Variants in KANK1 observed in about 807,000 individuals in gnomAD.
The protein encoded by KANK1 is KN motif and ankyrin repeat domains 1, also known as KN motif and ankyrin repeat domain-containing protein 1.
In KANK1, 109 loss-of-function variants were observed where a neutral mutation model predicts 106.2. The observed-to-expected ratio is 1.03, with a 90% CI of 0.88 to 1.20. The LOEUF is 1.20. Ranked by LOEUF, KANK1 falls within the 50% of genes most tolerant of loss-of-function variation. The pLI is 0.00. For missense variants in KANK1, 2,399 were observed against 1,710.7 expected, an observed-to-expected ratio of 1.40 and a Z score of -7.10; for synonymous variants, 873 against 652.2, an observed-to-expected ratio of 1.34 and a Z score of -5.16.
chr9:619,263 T>C (rs990929019), intron 1 of KANK1, among the ~76,000 whole-genome samples: 1 of 152,208 alleles, frequency 6.6e-6, no homozygotes, highest in Non-Finnish European at 1.5e-5. Context: ...ATAAATGTTA[T>C]ATTTCAAGCC....
rs370445204 is a variant in KANK1 at position 738,472 on chromosome 9, A to G, written c.3521A>G (p.Asn1174Ser). Residue 1174 changes from asparagine (N) to serine (S), a missense_variant, in exon 8 of 12, where the codon AAC becomes AGC. Transcript: ENST00000382297. ...CTCCATTACAGCGTGTCCCACTCCA[A>G]CTTCGAGATTGTGAAGCTGCTGTTA... ...TALHYSVSHS[N>S]FEIVKLLLDA... The G allele has an allele frequency of 3.1e-6, 5 of 1,614,162 alleles. No individual in the cohort carries two copies. The South Asian group carries it at 3.3e-5, about 11-fold the overall frequency.
chr9:741,616 T>C (rs1000465888), intron 9 of KANK1, among the ~76,000 whole-genome samples: 1 of 151,284 alleles, frequency 6.6e-6, no homozygotes, highest in African/African-American at 2.4e-5. Flanking sequence ...GCCTCCCAAG[T>C]AGCTGGGACT....
At chr9:721,641 C>T (rs1287331674) in intron 3 of KANK1, among the ~76,000 whole-genome samples, 1 of 152,192 alleles carries the variant, frequency 6.6e-6, no homozygotes, top group Non-Finnish European at 1.5e-5. Context: ...ATAAGGTCAT[C>T]TGCTGATAAC....
intron 1 of KANK1, among the ~76,000 whole-genome samples, chr9:555,883 AAAAC>A (rs1587772828): frequency 6.6e-6 from 1 of 152,244 alleles, no homozygotes; most frequent in African/African-American, 2.4e-5. Flanking sequence ...TGTTTAAATA[AAAAC>A]AAACAACTTT....
chr9:650,084 T>G (rs1840551366), intron 1 of KANK1, among the ~76,000 whole-genome samples: 2 of 152,192 alleles, frequency 1.3e-5, no homozygotes. Flanking sequence ...AGCATTAATA[T>G]GAAATTTGTA....
intron 1 of KANK1, among the ~76,000 whole-genome samples, chr9:649,784 A>T (rs945110959): frequency 6.6e-6 from 1 of 152,150 alleles, no homozygotes; most frequent in African/African-American, 2.4e-5. Context: ...CACCCATGGC[A>T]GCCAACCAGG....
intron 1 of KANK1, among the ~76,000 whole-genome samples, chr9:547,854 G>A (rs2061028026): frequency 6.6e-6 from 1 of 152,218 alleles, no homozygotes; most frequent in Non-Finnish European, 1.5e-5. Flanking sequence ...AAAGTGGTAA[G>A]TTTTAGGCTG....
At chr9:491,802 A>G (rs985534567) in intron 3 of KANK1, among the ~76,000 whole-genome samples, 2 of 152,180 alleles carry the variant, frequency 1.3e-5, no homozygotes, top group Admixed American at 6.5e-5. Flanking sequence ...GAGGTAATCA[A>G]ATCACGGGAG....
At chr9:583,580 T>G (rs544221028) in intron 1 of KANK1, among the ~76,000 whole-genome samples, 1 of 151,998 alleles carries the variant, frequency 6.6e-6, no homozygotes, top group Admixed American at 6.6e-5. Context: ...AAAGATCCTT[T>G]ATGGCTCTAA....
At chr9:568,037 C>A (rs371756946) in intron 1 of KANK1, among the ~76,000 whole-genome samples, 1 of 151,230 alleles carries the variant, frequency 6.6e-6, no homozygotes, top group Non-Finnish European at 1.5e-5. Context: ...CTATGATTAT[C>A]TTCATTTTAC....
intron 1 of KANK1, among the ~76,000 whole-genome samples, chr9:632,107 A>G (rs1229339583): frequency 6.6e-6 from 1 of 152,218 alleles, no homozygotes; most frequent in Non-Finnish European, 1.5e-5. Flanking sequence ...AAAGGAAATA[A>G]CATTTGACCT....
At chr9:720,549 T>C (rs180822590) in intron 3 of KANK1, among the ~76,000 whole-genome samples, 1 of 152,052 alleles carries the variant, frequency 6.6e-6, no homozygotes, top group African/African-American at 2.4e-5. Context: ...GAGAGGGGGG[T>C]CTCACTATGT....
At chr9:600,813 C>G (rs1827555032) in intron 1 of KANK1, among the ~76,000 whole-genome samples, 1 of 151,824 alleles carries the variant, frequency 6.6e-6, no homozygotes, top group Non-Finnish European at 1.5e-5. Flanking sequence ...TTCTTTTGCA[C>G]TTTCCAAGAA....
chr9:742,076 G>C (rs189028356), intron 9 of KANK1, 129 bp from the exon 10 acceptor site: 1 of 775,814 alleles, frequency 1.3e-6, no homozygotes, highest in Admixed American at 2.3e-5. Flanking sequence ...CCTGCCCCAA[G>C]TAGTTCCATC....
chr9:541,843 A>G (rs1031114365), intron 1 of KANK1, among the ~76,000 whole-genome samples: 2 of 152,142 alleles, frequency 1.3e-5, no homozygotes, highest in Admixed American at 6.5e-5. Context: ...TAATCCCAGC[A>G]CTTTGGGAGG....
rs747879222 is a variant in KANK1, at chr9:711,852, G to C, written c.1086G>C (p.Gln362His). Residue 362 changes from glutamine (Q) to histidine (H), a missense_variant, in exon 3 of 12, where the codon CAG (glutamine) becomes CAC (histidine). Physicochemically the swap from Gln to His is conservative, Grantham distance 24. Transcript: ENST00000382297. ...TGGAGACCGTAGAACAGAGCACGCA[G>C]AGGATAAAGGAGTTCCGGCAACTTA... ...EEMETVEQST[Q>H]RIKEFRQLTA... The C allele has an allele frequency of 1.9e-6, 3 of 1,614,196 alleles. No homozygotes were observed. Among genetic ancestry groups the C allele is most frequent in the Admixed American group, 1.7e-5 (1 of 60,026 alleles).
chr9:564,094 C>G (rs1162903148), intron 1 of KANK1, among the ~76,000 whole-genome samples: 1 of 148,994 alleles, frequency 6.7e-6, no homozygotes, highest in East Asian at 2.0e-4. Flanking sequence ...GAGTCTTGCT[C>G]TGTCGCCCAG....
chr9:546,136 C>T (rs955494904), intron 1 of KANK1, among the ~76,000 whole-genome samples: 8 of 152,132 alleles, frequency 5.3e-5, no homozygotes, highest in East Asian at 1.9e-4. Context: ...CATGGGACTT[C>T]AGCTCTTATG....
intron 1 of KANK1, among the ~76,000 whole-genome samples, chr9:522,414 T>C (rs2059593318): frequency 3.3e-5 from 5 of 151,664 alleles, no homozygotes; most frequent in Admixed American, 3.3e-4. Flanking sequence ...CTAACGCTCC[T>C]TTCTGTGCTC....
Sources: gnomAD v4.1 joint callset for allele counts (sites outside exome capture counted in the v4.1 genomes callset) on GRCh38, gnomAD v4.1.1 for gene constraint, MANE v1.5 for transcripts, NCBI Gene and HGNC (gene_info 2026-07-23, HGNC 2026-07-21) for gene names.